Variants in NCALD observed in about 807,000 individuals in gnomAD.
NCALD encodes neurocalcin-delta.
Under a neutral mutation model 18.6 loss-of-function variants are expected in NCALD, and 10 were observed. The ratio of observed to expected loss-of-function variants is 0.54; its 90% CI spans 0.33 to 0.91. NCALD has a LOEUF of 0.91. NCALD is among the 40% of genes least tolerant of loss of function. The pLI is 0.03. For missense variants in NCALD, 184 were observed against 247.6 expected (o/e 0.74, Z 1.72); for synonymous variants, 88 against 87.4 (o/e 1.01, Z -0.04).
chr8:102,115,974 A>G (rs773843493), intron 1 of NCALD, among the ~76,000 whole-genome samples: 4 of 152,192 alleles, frequency 2.6e-5, no homozygotes, highest in Admixed American at 6.5e-5. Flanking sequence ...TTTCAGAAGT[A>G]AAGGACGGTA....
chr8:101,690,472 C>T (rs533351703), intron 3 of NCALD: 79 of 985,472 alleles, frequency 8.0e-5, no homozygotes, highest in African/African-American at 1.9e-4. Flanking sequence ...TTTTTCAGCA[C>T]GTCCTTGGAC....
chr8:101,903,649 A>G (rs1817514456), intron 3 of NCALD, among the ~76,000 whole-genome samples: 1 of 152,052 alleles, frequency 6.6e-6, no homozygotes, highest in Non-Finnish European at 1.5e-5. Context: ...TCCTCCCTGA[A>G]ATACCTCTCT....
intron 1 of NCALD, among the ~76,000 whole-genome samples, chr8:102,091,473 G>C (rs1016864545): frequency 1.3e-5 from 2 of 152,138 alleles, no homozygotes; most frequent in Non-Finnish European, 2.9e-5. Context: ...AGAGGGATGG[G>C]TAATGTAAAA....
intron 1 of NCALD, among the ~76,000 whole-genome samples, chr8:101,784,047 C>T (rs1036861380): frequency 3.3e-5 from 5 of 152,136 alleles, no homozygotes; most frequent in African/African-American, 1.2e-4. Flanking sequence ...ATCTTACGGG[C>T]TTAAAACAGT....
chr8:101,869,655 C>T (rs575094752), intron 4 of NCALD, among the ~76,000 whole-genome samples: 7 of 152,218 alleles, frequency 4.6e-5, no homozygotes, highest in East Asian at 3.9e-4. Context: ...CCTCTTGCCT[C>T]GGGCACCCTA....
intron 4 of NCALD, among the ~76,000 whole-genome samples, chr8:101,835,438 G>A (rs1368678777): frequency 6.6e-6 from 1 of 152,240 alleles, no homozygotes; most frequent in African/African-American, 2.4e-5. Flanking sequence ...GGAGTGGGCA[G>A]AAGCCAGGGA....
intron 2 of NCALD, among the ~76,000 whole-genome samples, chr8:101,928,660 A>G (rs1186536150): frequency 6.6e-6 from 1 of 150,382 alleles, no homozygotes; most frequent in Non-Finnish European, 1.5e-5. Context: ...ATTAACTTTC[A>G]GGAGTTTTTT....
intron 2 of NCALD, among the ~76,000 whole-genome samples, chr8:101,995,227 A>C (rs551016993): frequency 6.6e-6 from 1 of 152,332 alleles, no homozygotes; most frequent in Admixed American, 6.5e-5. Flanking sequence ...GGATCTGAAA[A>C]TTCAAACCAA....
chr8:101,753,966 T>C (rs905812192), intron 1 of NCALD, among the ~76,000 whole-genome samples: 1 of 152,132 alleles, frequency 6.6e-6, no homozygotes, highest in African/African-American at 2.4e-5. Flanking sequence ...TCCTAATAAA[T>C]AGGAAAAGAG....
At chr8:101,884,437 ATATT>A (rs1392496180) in intron 4 of NCALD, among the ~76,000 whole-genome samples, 1 of 152,222 alleles carries the variant, frequency 6.6e-6, no homozygotes, top group Non-Finnish European at 1.5e-5. Context: ...TGCTCAATAA[ATATT>A]TATTGAACAA....
chr8:101,785,247 T>G (rs1461382836), intron 1 of NCALD, among the ~76,000 whole-genome samples: 1 of 152,212 alleles, frequency 6.6e-6, no homozygotes, highest in Non-Finnish European at 1.5e-5. Context: ...ACTCTTCCAA[T>G]TCTGACGGAT....
At chr8:101,747,036 C>A (rs1424617378) in intron 1 of NCALD, among the ~76,000 whole-genome samples, 1 of 152,136 alleles carries the variant, frequency 6.6e-6, no homozygotes, top group African/African-American at 2.4e-5. Context: ...TCAAAGCAGC[C>A]AACTCTACGA....
At chr8:101,976,049 G>A (rs563593527) in intron 2 of NCALD, among the ~76,000 whole-genome samples, 1 of 152,166 alleles carries the variant, frequency 6.6e-6, no homozygotes, top group South Asian at 2.1e-4. Flanking sequence ...CCGTGGGTTC[G>A]CTATACTCCA....
intron 2 of NCALD, among the ~76,000 whole-genome samples, chr8:101,933,429 C>T (rs1284637730): frequency 6.6e-6 from 1 of 152,150 alleles, no homozygotes. Flanking sequence ...ATGAATTCTC[C>T]CTTGAGAGCC....
chr8:101,850,891 T>C (rs472963), intron 4 of NCALD, among the ~76,000 whole-genome samples: 45,023 of 152,050 alleles, frequency 0.3, 7,881 homozygotes, highest in African/African-American at 0.48. Flanking sequence ...AAGACCCAGA[T>C]TGACAGTTGT....
intron 3 of NCALD, among the ~76,000 whole-genome samples, chr8:101,904,797 G>A (rs1021796845): frequency 3.3e-5 from 5 of 152,072 alleles, no homozygotes; most frequent in African/African-American, 4.8e-5. Flanking sequence ...GTTGCCAAAC[G>A]CAATGGCTTT....
intron 2 of NCALD, among the ~76,000 whole-genome samples, chr8:101,999,612 C>G (rs141894479): frequency 6.6e-6 from 1 of 151,656 alleles, no homozygotes; most frequent in East Asian, 1.9e-4. Flanking sequence ...GAAATCACCA[C>G]GAAAGAACTT....
chr8:101,787,493 T>A (rs1200568348), intron 1 of NCALD, among the ~76,000 whole-genome samples: 1 of 152,162 alleles, frequency 6.6e-6, no homozygotes, highest in Non-Finnish European at 1.5e-5. Flanking sequence ...ATAGAAAGGA[T>A]GACTTTGGAC....
At chr8:102,000,345 C>T (rs907548786) in intron 2 of NCALD, among the ~76,000 whole-genome samples, 4 of 152,240 alleles carry the variant, frequency 2.6e-5, no homozygotes, top group South Asian at 2.1e-4. Flanking sequence ...CCGCCATTGC[C>T]GAGGGGTGCC....
Sources: allele counts gnomAD v4.1 joint callset (sites outside exome capture counted in the v4.1 genomes callset), GRCh38; gene constraint gnomAD v4.1.1; transcripts MANE v1.5; gene names NCBI Gene and HGNC (gene_info 2026-07-23, HGNC 2026-07-21).